KMT2C: variants seen among roughly 807,000 people sequenced by gnomAD.
KMT2C encodes histone-lysine N-methyltransferase 2C.
Under a neutral mutation model 507.9 loss-of-function variants are expected in KMT2C, and 88 were observed. The ratio of observed to expected loss-of-function variants is 0.17; its 90% CI spans 0.15 to 0.21. The LOEUF is 0.21. Among genes scored for constraint, KMT2C ranks in the 10% least tolerant of loss-of-function variants. KMT2C has a pLI of 1.00. For missense variants in KMT2C, 4,954 were observed against 5,957.8 expected, an observed-to-expected ratio of 0.83 and a Z score of 5.55; for synonymous variants, 2,049 against 2,080.8, an observed-to-expected ratio of 0.98 and a Z score of 0.42.
rs763291052 is a variant in KMT2C, at chr7:152,181,716, T to C, written c.6144A>G (p.Gln2048=). 10 of 1,613,804 alleles carry C rather than the reference T, an allele frequency of 6.2e-6. No homozygotes were observed. Among genetic ancestry groups the C allele is most frequent in the Non-Finnish European group, 7.6e-6 (9 of 1,179,992 alleles). ...SGPGPFKTPM[Q]PPPSSQDPYG... ...AAGGATCCTGAGAGGATGGAGGAGGTTGCATTGGAGTCTTAAAAGGTCCAG... is the reference window on the plus strand; with the variant it reads ...AAGGATCCTGAGAGGATGGAGGAGGCTGCATTGGAGTCTTAAAAGGTCCAG... The change falls in exon 36 of 59, where the codon CAA becomes CAG. Residue 2048 remains glutamine (Q), a synonymous_variant. Transcript: ENST00000262189.
intron 1 of KMT2C, among the ~76,000 whole-genome samples, chr7:152,390,662 T>C (rs10238609): frequency 0.099 from 15,013 of 152,030 alleles, 1,711 homozygotes; most frequent in African/African-American, 0.28. Flanking sequence ...GATTAAATGG[T>C]CAAGGTCATA....
intron 1 of KMT2C, among the ~76,000 whole-genome samples, chr7:152,398,660 C>G (rs555144726): frequency 6.6e-6 from 1 of 150,722 alleles, no homozygotes; most frequent in African/African-American, 2.4e-5. Context: ...TCGGCCTTCC[C>G]AAGTATTGAG....
At chr7:152,414,054 A>T (rs2097709145) in intron 1 of KMT2C, among the ~76,000 whole-genome samples, 1 of 151,396 alleles carries the variant, frequency 6.6e-6, no homozygotes, top group Non-Finnish European at 1.5e-5. Flanking sequence ...TACTAAAAAT[A>T]CAAAATTTAG....
At chr7:152,264,054 G>A (rs980421683) in intron 8 of KMT2C, among the ~76,000 whole-genome samples, 4 of 152,062 alleles carry the variant, frequency 2.6e-5, no homozygotes, top group African/African-American at 9.7e-5. Flanking sequence ...TCAGCTACGT[G>A]GAAAGATCTT....
chr7:152,286,266 C>A (rs2096295654), intron 6 of KMT2C, among the ~76,000 whole-genome samples: 1 of 152,308 alleles, frequency 6.6e-6, no homozygotes, highest in Non-Finnish European at 1.5e-5. Flanking sequence ...AAAAGTCAAG[C>A]TTTTCACAAA....
At chr7:152,228,851 T>C (rs959263551) in intron 18 of KMT2C, among the ~76,000 whole-genome samples, 1 of 152,198 alleles carries the variant, frequency 6.6e-6, no homozygotes, top group African/African-American at 2.4e-5. Context: ...TCTGTGTTTT[T>C]CAGTCACATA....
chr7:152,384,738 A>T (rs372791421), intron 1 of KMT2C, among the ~76,000 whole-genome samples: 352 of 133,372 alleles, frequency 2.6e-3, no homozygotes, highest in South Asian at 4.0e-3. Context: ...TATTAATCAC[A>T]GCTGGAAAAT....
intron 45 of KMT2C, 38 bp downstream of exon 45, chr7:152,156,166 AT>A (rs2092031565): frequency 5.6e-6 from 9 of 1,609,400 alleles, no homozygotes. Context: ...GCAGAGGCAC[AT>A]TTCTCCGAGG....
intron 56 of KMT2C, 97 bp downstream of exon 56, chr7:152,139,578 G>A: frequency 2.4e-6 from 2 of 826,154 alleles, no homozygotes; most frequent in Admixed American, 1.9e-5. Flanking sequence ...AATGCAGCAT[G>A]ACAGATTTCA....
intron 1 of KMT2C, among the ~76,000 whole-genome samples, chr7:152,396,177 T>C (rs1209797286): frequency 6.6e-6 from 1 of 152,168 alleles, no homozygotes; most frequent in Non-Finnish European, 1.5e-5. Flanking sequence ...TCTCCTAAAC[T>C]GAATGTGCCT....
rs1474185872 is a variant in KMT2C, at chr7:152,136,697, A to G, written c.*135T>C. The G allele has an allele frequency of 9.1e-6, 6 of 661,176 alleles. No individual in the cohort carries two copies. The Admixed American group carries it at 1.2e-4, about 13-fold the overall frequency. 41.0% of individuals were successfully genotyped at this position (661,176 alleles called of 1,614,324 possible). A position where few individuals can be genotyped will look rare whatever the true frequency, so the allele number is the denominator to read the frequency against. On this transcript the variant is annotated 3_prime_UTR_variant, in exon 59 of 59. Coordinates refer to ENST00000262189, the MANE Select transcript of KMT2C (RefSeq NM_170606.3). ...TTTAACCTAAAGGACTGAGGAAATC[A>G]GAACTCCCAGAAGCTTTTTCAAAAA... is the stretch of plus-strand genomic sequence containing the variant.
chr7:152,386,711 T>A (rs2097431412), intron 1 of KMT2C, among the ~76,000 whole-genome samples: 1 of 152,310 alleles, frequency 6.6e-6, no homozygotes, highest in African/African-American at 2.4e-5. Context: ...GTTACTGTGT[T>A]ACTCTTGAAA....
intron 1 of KMT2C, among the ~76,000 whole-genome samples, chr7:152,423,161 G>A (rs1404058844): frequency 2.0e-5 from 3 of 152,140 alleles, no homozygotes; most frequent in Non-Finnish European, 4.4e-5. Context: ...CCAACATGGT[G>A]AAACCCTGTC....
chr7:152,148,917 G>A lies in KMT2C; in HGVS notation c.13010C>T (p.Ala4337Val), dbSNP rs1428224104. The A allele has an allele frequency of 1.2e-6, 2 of 1,613,450 alleles. No individual in the cohort carries two copies. The highest frequency in any genetic ancestry group is 2.2e-5 in the East Asian group (1 of 44,878). Residue 4337 changes from alanine to valine, a missense_variant, in exon 52 of 59, where the codon GCT becomes GTT. This residue lies in a region of KMT2C where 417 missense variants were observed against 461.1 expected (regional missense o/e 0.90). Transcript: ENST00000262189. This position sits in a 1 kb window ranked among gnomAD's most constrained non-coding sequence, Gnocchi z 7.1. ...GCAATCTTCAAACCCACCATGGACA[G>A]CTCTTAGCCGAGGCTTCAGCTTGAC... ...VTVKLKPRLR[A>V]VHGGFEDCRP...
intron 6 of KMT2C, among the ~76,000 whole-genome samples, chr7:152,282,199 A>T (rs1234252356): frequency 1.3e-5 from 2 of 151,914 alleles, no homozygotes; most frequent in Non-Finnish European, 2.9e-5. Flanking sequence ...CGAGAGACTG[A>T]GGCAGGAGAA....
chr7:152,410,514 G>A (rs1427622691), intron 1 of KMT2C, among the ~76,000 whole-genome samples: 1 of 151,728 alleles, frequency 6.6e-6, no homozygotes, highest in Non-Finnish European at 1.5e-5. Flanking sequence ...GGAGGTGGAG[G>A]CTGCAGTGAG....
intron 1 of KMT2C, among the ~76,000 whole-genome samples, chr7:152,383,034 C>G (rs1361007756): frequency 6.6e-6 from 1 of 152,302 alleles, no homozygotes; most frequent in Non-Finnish European, 1.5e-5. Context: ...GCTTTCTTTC[C>G]TAAGCTAAGA....
chr7:152,298,826 G>A (rs2096538889), intron 6 of KMT2C, among the ~76,000 whole-genome samples: 1 of 152,100 alleles, frequency 6.6e-6, no homozygotes, highest in African/African-American at 2.4e-5. Flanking sequence ...ATATATAAAA[G>A]TCAAATGCAT....
chr7:152,145,033 T>C, intron 54 of KMT2C, 120 bp downstream of exon 54: 4 of 1,389,670 alleles, frequency 2.9e-6, no homozygotes, highest in South Asian at 2.8e-5. Flanking sequence ...TTCTCTTATG[T>C]AGTTGGGCAC....
Sources: allele counts gnomAD v4.1 joint callset (sites outside exome capture counted in the v4.1 genomes callset), GRCh38; gene constraint gnomAD v4.1.1; regional missense constraint gnomAD v4.1.1; non-coding constraint Gnocchi (gnomAD v3.1); transcripts MANE v1.5; gene names NCBI Gene and HGNC (gene_info 2026-07-23, HGNC 2026-07-21).